Variants in BRMS1 observed in about 807,000 individuals in gnomAD.
BRMS1 encodes BRMS1 transcriptional repressor and anoikis regulator, also known as breast cancer metastasis-suppressor 1.
In BRMS1, 26 loss-of-function variants were observed where a neutral mutation model predicts 40.4. The ratio of observed to expected loss-of-function variants is 0.64; its 90% CI spans 0.47 to 0.89. The LOEUF is 0.89. Among genes scored for constraint, BRMS1 ranks in the 40% least tolerant of loss-of-function variants. The pLI, the probability that BRMS1 is intolerant of heterozygous loss-of-function variation, is 0.00. For synonymous variants in BRMS1, 103 were observed against 116.0 expected, an observed-to-expected ratio of 0.89 and a Z score of 0.72; for missense variants, 289 against 309.4, an observed-to-expected ratio of 0.93 and a Z score of 0.49.
rs17850564 is a variant in BRMS1, at chr11:66,340,784, G to A, written c.525C>T (p.Asp175=). ...QRLEEDRQSL[D]LSSEWWDDKL... ...GGCTCTCGCGCTTACCAGAGCTGAG[G>A]TCCAGGCTCTGGCGGTCCTCCTCCA... The change falls in exon 6 of 10, where the codon GAC becomes GAT. Residue 175 remains aspartate (D), a synonymous_variant. Transcript: ENST00000359957. 2.8e-3 allele frequency: 4,484 copies of A among 1,611,942 alleles called. 126 individuals are homozygous for A. The African/African-American group carries it at 0.054, about 19-fold the overall frequency.
Position 66,340,724 on chromosome 11 carries a change from C to T in BRMS1, c.535+50G>A, listed in dbSNP as rs758164326. On this transcript the variant is annotated intron_variant, in intron 6 of 9. Coordinates refer to ENST00000359957, the MANE Select transcript of BRMS1 (RefSeq NM_015399.4). ...CATCTGAAGCCCAAAGAGGGGTGGG[C>T]GTGGACTGAGCGGGGCCCAGTTCCG... is the stretch of plus-strand genomic sequence containing the variant. 7 of 1,492,114 alleles carry T rather than the reference C, an allele frequency of 4.7e-6. No individual in the cohort carries two copies. In the East Asian group the frequency reaches 9.3e-5, roughly 20 times the overall value. The allele number at this position is 1,492,114 out of a possible 1,614,324, so 92.4% of individuals were successfully genotyped here. A position where few individuals can be genotyped will look rare whatever the true frequency, so the allele number is the denominator to read the frequency against.
chr11:66,344,647 G>A (rs910780189), intron 1 of BRMS1: 2 of 152,244 alleles, frequency 1.3e-5, no homozygotes, highest in Admixed American at 6.5e-5. Flanking sequence ...GCTCACAGGT[G>A]GTAAGGGATG....
chr11:66,338,328 T>C (rs1854980983), intron 8 of BRMS1, 46 bp from the exon 9 acceptor site: 2 of 1,578,218 alleles, frequency 1.3e-6, no homozygotes, highest in African/African-American at 1.3e-5. Flanking sequence ...CACCTCCAGC[T>C]TGGCAATCCC....
chr11:66,345,026 G>A lies in BRMS1; in HGVS notation c.-62C>T, dbSNP rs1855174647. 1 of 152,294 alleles carries A rather than the reference G, an allele frequency of 6.6e-6. No homozygotes were observed. The highest frequency in any genetic ancestry group is 1.5e-5 in the Non-Finnish European group (1 of 68,080). The allele number at this position is 152,294 out of a possible 1,614,324, so 9.4% of individuals were successfully genotyped here. A position where few individuals can be genotyped will look rare whatever the true frequency, so the allele number is the denominator to read the frequency against. ...CGGAGATTCCCTGAGAGCTGCCCGTGGTTGCCGGTACCGGCTGCTGCCGCC... is the reference window on the plus strand; with the variant it reads ...CGGAGATTCCCTGAGAGCTGCCCGTAGTTGCCGGTACCGGCTGCTGCCGCC... On this transcript the variant is annotated 5_prime_UTR_variant, in exon 1 of 10. Coordinates refer to ENST00000359957, the MANE Select transcript of BRMS1 (RefSeq NM_015399.4).
rs377110774 is a variant in BRMS1 at position 66,341,164 on chromosome 11, C to T, written c.358+42G>A. ...GAGAGAGGAAGGGGACAGGGTGCCA[C>T]GGGTTCTGGGAGGGGAAGAGGGTAC... On this transcript the variant is annotated intron_variant, in intron 4 of 9. Coordinates refer to ENST00000359957, the MANE Select transcript of BRMS1 (RefSeq NM_015399.4). The surrounding 1 kb of genome is among the most constrained non-coding windows in gnomAD (Gnocchi z 4.9). The T allele has an allele frequency of 1.4e-5, 22 of 1,611,098 alleles. No homozygotes were observed. The highest frequency in any genetic ancestry group is 1.1e-4 in the African/African-American group (8 of 74,812).
intron 7 of BRMS1, among the ~76,000 whole-genome samples, chr11:66,339,296 CAGG>C (rs1266353502): frequency 1.3e-5 from 2 of 152,204 alleles, no homozygotes; most frequent in African/African-American, 4.8e-5. Flanking sequence ...CTCAGGGGTG[CAGG>C]AGGACTCAGC....
rs994755916 is a variant in BRMS1 at position 66,341,937 on chromosome 11, T to C, written c.139+159A>G. On this transcript the variant is annotated intron_variant, in intron 2 of 9. Coordinates refer to ENST00000359957, the MANE Select transcript of BRMS1 (RefSeq NM_015399.4). The surrounding 1 kb of genome is among the most constrained non-coding windows in gnomAD (Gnocchi z 4.9). ...CGTGCTTGTGTGTAGGGGCTGTGTG[T>C]GCGTGTGTGCGCTTGTGTGCAGGGT... The C allele has an allele frequency of 9.9e-6, 8 of 804,538 alleles. No individual in the cohort carries two copies. Among genetic ancestry groups the C allele is most frequent in the African/African-American group, 3.4e-5 (2 of 58,470 alleles). The allele number at this position is 804,538 out of a possible 1,614,324, so 49.8% of individuals were successfully genotyped here.
chr11:66,337,808 C>T lies in BRMS1; in HGVS notation c.*74G>A, dbSNP rs757125086. Reference sequence around the variant, plus strand: ...CTGAGGGGCCTGTGGGTCCGCCTGTCTGCAGGAGGAAGACGAGAATCCTGG... The same window carrying T: ...CTGAGGGGCCTGTGGGTCCGCCTGTTTGCAGGAGGAAGACGAGAATCCTGG... On this transcript the variant is annotated 3_prime_UTR_variant, in exon 10 of 10. Coordinates refer to ENST00000359957, the MANE Select transcript of BRMS1 (RefSeq NM_015399.4). 4.3e-6 allele frequency: 7 copies of T among 1,614,008 alleles called. No individual in the cohort carries two copies. In the East Asian group the frequency reaches 6.7e-5, roughly 15 times the overall value.
intron 1 of BRMS1, among the ~76,000 whole-genome samples, 169 bp from the exon 2 acceptor site, chr11:66,342,410 G>A (rs1855109542): frequency 6.6e-6 from 1 of 152,128 alleles, no homozygotes. Context: ...ATGGCCATCT[G>A]CACCTCTCAC....
At chr11:66,342,054 CTCTGTGTGTGTGTGTGTGTG>C in intron 2 of BRMS1, 22 bp downstream of exon 2, 2 of 567,818 alleles carry the variant, frequency 3.5e-6, no homozygotes, top group Non-Finnish European at 5.3e-6. Flanking sequence ...TGTGTAGGGG[CTCTGTGTGTGTGTGTGTGTG>C]TCTGTGTGTG....
intron 7 of BRMS1, among the ~76,000 whole-genome samples, chr11:66,339,544 G>A (rs892428679): frequency 2.0e-5 from 3 of 152,226 alleles, no homozygotes; most frequent in African/African-American, 4.8e-5. Context: ...CTTCCAAGAG[G>A]AGGGTGGGAT....
chr11:66,340,376 G>A (rs1043648305), intron 6 of BRMS1, among the ~76,000 whole-genome samples, 163 bp from the exon 7 acceptor site: 4 of 152,148 alleles, frequency 2.6e-5, no homozygotes, highest in Admixed American at 6.5e-5. Context: ...GGTCCTGCCT[G>A]CACAGCTGCA....
chr11:66,344,098 T>G (rs980535239), intron 1 of BRMS1, among the ~76,000 whole-genome samples: 1 of 152,238 alleles, frequency 6.6e-6, no homozygotes. Context: ...TCTATTTGCC[T>G]GTTCTCATAT....
At chr11:66,338,120 C>T in intron 9 of BRMS1, 123 bp downstream of exon 9, 18 of 1,396,548 alleles carry the variant, frequency 1.3e-5, no homozygotes, top group Non-Finnish European at 1.8e-5. Context: ...ACCATCCTAA[C>T]TTTCTTGAGC....
At chr11:66,338,330 G>T in intron 8 of BRMS1, 48 bp from the exon 9 acceptor site, 2 of 1,573,266 alleles carry the variant, frequency 1.3e-6, no homozygotes, top group South Asian at 1.2e-5. Flanking sequence ...CCTCCAGCTT[G>T]GCAATCCCTG....
At chr11:66,339,107 G>A (rs190038152) in intron 7 of BRMS1, among the ~76,000 whole-genome samples, 70 of 152,224 alleles carry the variant, frequency 4.6e-4, no homozygotes, top group African/African-American at 1.7e-3. Context: ...AAAGACAGAC[G>A]CAGGGCTTAT....
At chr11:66,343,993 T>C (rs1282864993) in intron 1 of BRMS1, among the ~76,000 whole-genome samples, 1 of 152,288 alleles carries the variant, frequency 6.6e-6, no homozygotes, top group African/African-American at 2.4e-5. Context: ...CCTGCAGGCT[T>C]CTATTTTATT....
intron 6 of BRMS1, 53 bp downstream of exon 6, chr11:66,340,721 G>A: frequency 6.8e-7 from 1 of 1,459,904 alleles, no homozygotes; most frequent in Non-Finnish European, 9.4e-7. Flanking sequence ...AAAGAGGGGT[G>A]GGCGTGGACT....
Position 66,345,063 on chromosome 11 carries a change from G to A in BRMS1, c.-99C>T, listed in dbSNP as rs370481448. 7.2e-5 allele frequency: 11 copies of A among 152,382 alleles called. No individual in the cohort carries two copies. In the South Asian group the frequency reaches 2.3e-3, roughly 32 times the overall value. 9.4% of individuals were successfully genotyped at this position (152,382 alleles called of 1,614,324 possible). A position where few individuals can be genotyped will look rare whatever the true frequency, so the allele number is the denominator to read the frequency against. ...CGGCTGCTGCCGCCGGACTCCCGTA[G>A]GCGCTGCGCGGCTCCCTTTTCTTCG... On this transcript the variant is annotated 5_prime_UTR_variant, in exon 1 of 10. Transcript: ENST00000359957.
Sources: allele counts gnomAD v4.1 joint callset (sites outside exome capture counted in the v4.1 genomes callset), GRCh38; gene constraint gnomAD v4.1.1; non-coding constraint Gnocchi (gnomAD v3.1); transcripts MANE v1.5; gene names NCBI Gene and HGNC (gene_info 2026-07-23, HGNC 2026-07-21).